The following BRAF variants were observed in gnomAD, a reference collection of about 807,000 sequenced individuals.
BRAF encodes serine/threonine-protein kinase B-raf.
A neutral mutation model predicts 104.6 loss-of-function variants in BRAF; 16 were observed. That is an observed-to-expected ratio of 0.15 (90% CI 0.10 to 0.23). The LOEUF (loss-of-function observed/expected upper bound fraction) is 0.23, where lower values mean the gene tolerates loss of function less well. Among genes scored for constraint, BRAF ranks in the 10% least tolerant of loss-of-function variants. The pLI, the probability that BRAF is intolerant of heterozygous loss-of-function variation, is 1.00. For synonymous variants in BRAF, 310 were observed against 341.6 expected (o/e 0.91, Z 1.02); for missense variants, 541 against 937.3 (o/e 0.58, Z 5.52).
At chr7:140,891,919 C>T (rs917229544) in intron 1 of BRAF, among the ~76,000 whole-genome samples, 11 of 152,182 alleles carry the variant, frequency 7.2e-5, no homozygotes, top group African/African-American at 2.7e-4. Context: ...ATACTACACA[C>T]AAGCAATGTT....
intron 7 of BRAF, among the ~76,000 whole-genome samples, chr7:140,796,348 T>TA (rs35137743): frequency 0.094 from 11,907 of 127,058 alleles, 1,586 homozygotes; most frequent in African/African-American, 0.3. Flanking sequence ...GACTCCATCT[T>TA]AAAAAAAAAA....
At position 140,854,883 on chromosome 7, in the gene BRAF, T is replaced by C. The variant is rs551720541; in HGVS notation, c.139-4671A>G. ...TCACTGGAACCCAGGAGGCGGAGGT[T>C]GCAGTGAGCCGAGACTGCGCCACTG... On this transcript the variant is annotated intron_variant, in intron 1 of 19. Coordinates refer to ENST00000644969, the MANE Select transcript of BRAF (RefSeq NM_001374258.1). 2.6e-5 allele frequency among the ~76,000 whole-genome samples: 4 copies of C among 152,168 alleles called. No individual in the cohort carries two copies. The South Asian group carries it at 8.3e-4, about 32-fold the overall frequency.
At chr7:140,745,641 T>C (rs1797289268) in intron 17 of BRAF, among the ~76,000 whole-genome samples, 1 of 152,130 alleles carries the variant, frequency 6.6e-6, no homozygotes, top group African/African-American at 2.4e-5. Context: ...TCCATGGTAT[T>C]ACTGGAGCTC....
intron 12 of BRAF, among the ~76,000 whole-genome samples, chr7:140,778,635 C>T (rs942037876): frequency 6.6e-5 from 10 of 151,330 alleles, no homozygotes; most frequent in Admixed American, 5.9e-4. Flanking sequence ...CAGCATGGCA[C>T]ATGTATATAT....
chr7:140,867,233 T>C (rs1180150566), intron 1 of BRAF, among the ~76,000 whole-genome samples: 1 of 152,136 alleles, frequency 6.6e-6, no homozygotes, highest in Non-Finnish European at 1.5e-5. Context: ...GACAGCTAAG[T>C]AAATGGTAGA....
chr7:140,808,066 A>T lies in BRAF; in HGVS notation c.609-4T>A, dbSNP rs1256055230. 6.3e-7 allele frequency: 1 copy of T among 1,597,604 alleles called. No homozygotes were observed. The highest frequency in any genetic ancestry group is 8.6e-7 in the Non-Finnish European group (1 of 1,165,290). The stretch of plus-strand genomic sequence containing the variant: ...CCAACCAATTGGTTTCTTCTCTCTG[A>T]AAAATGTAGACACAAGCCTTTCTTG... On this transcript the variant is annotated splice_polypyrimidine_tract_variant and splice_region_variant and intron_variant, in intron 4 of 19. Coordinates refer to ENST00000644969, the MANE Select transcript of BRAF (RefSeq NM_001374258.1).
intron 3 of BRAF, among the ~76,000 whole-genome samples, chr7:140,824,942 C>A (rs1805854806): frequency 6.6e-6 from 1 of 151,408 alleles, no homozygotes. Context: ...CTGTTCAAAT[C>A]CTTTGTCCGT....
In BRAF at chr7:140,828,874, A is replaced by G. The variant is rs542196720; in HGVS notation, c.504+5735T>C. Among the ~76,000 whole-genome samples the G allele has an allele frequency of 2.0e-5, 3 of 152,250 alleles. No individual in the cohort carries two copies. The South Asian group carries it at 6.2e-4, about 32-fold the overall frequency. On this transcript the variant is annotated intron_variant, in intron 3 of 19. Coordinates refer to ENST00000644969, the MANE Select transcript of BRAF (RefSeq NM_001374258.1). The stretch of plus-strand genomic sequence containing the variant: ...TCACATTTCTATCCTTAACTAAGGG[A>G]GCAGTTTTCTCACTACACCCCTGCC...
intron 14 of BRAF, among the ~76,000 whole-genome samples, chr7:140,769,567 C>T (rs944511579): frequency 2.0e-5 from 3 of 152,198 alleles, no homozygotes; most frequent in Non-Finnish European, 4.4e-5. Flanking sequence ...TTGCTTTTCT[C>T]ACTTAACATT....
chr7:140,751,780 C>A (rs1384511432), intron 16 of BRAF, among the ~76,000 whole-genome samples: 1 of 152,114 alleles, frequency 6.6e-6, no homozygotes, highest in Non-Finnish European at 1.5e-5. Context: ...ACTTGGGAGT[C>A]CTATCTTGGA....
chr7:140,805,565 T>A (rs1803577289), intron 5 of BRAF, among the ~76,000 whole-genome samples: 2 of 152,068 alleles, frequency 1.3e-5, no homozygotes, highest in African/African-American at 4.8e-5. Flanking sequence ...TAATCTAGTA[T>A]CTGAGTATAC....
intron 3 of BRAF, among the ~76,000 whole-genome samples, chr7:140,817,310 T>C (rs1284585658): frequency 6.6e-6 from 1 of 151,940 alleles, no homozygotes; most frequent in East Asian, 1.9e-4. Flanking sequence ...AGAGAACACA[T>C]GAAAAAATGG....
At position 140,749,273 on chromosome 7, in the gene BRAF, T is replaced by C; in HGVS notation, c.2112+14A>G. ...AGACGGTAAAATAAACACCAAGACG[T>C]GGTAAATATTTACCTGGTCCCTGTT... On this transcript the variant is annotated intron_variant, in intron 17 of 19. Transcript: ENST00000644969. 6 of 1,610,686 alleles carry C rather than the reference T, an allele frequency of 3.7e-6. No homozygotes were observed. The highest frequency in any genetic ancestry group is 5.1e-6 in the Non-Finnish European group (6 of 1,179,018).
rs549161557 is a variant in BRAF, at chr7:140,871,167, G to A, written c.139-20955C>T. Among the ~76,000 whole-genome samples the A allele has an allele frequency of 7.6e-5, 11 of 145,536 alleles. No homozygotes were observed. In the South Asian group the frequency reaches 8.7e-4, roughly 11 times the overall value. On this transcript the variant is annotated intron_variant, in intron 1 of 19. Coordinates refer to ENST00000644969, the MANE Select transcript of BRAF (RefSeq NM_001374258.1). ...TGACGCGGGAGAATGGCGTGAATCC[G>A]GGAGGCGGAGCTTGCAGTGAGCCGA...
intron 1 of BRAF, among the ~76,000 whole-genome samples, chr7:140,862,344 A>G (rs370935357): frequency 6.6e-6 from 1 of 152,202 alleles, no homozygotes; most frequent in African/African-American, 2.4e-5. Flanking sequence ...AGAGAGCAAG[A>G]AAGAAAGAAA....
At chr7:140,861,712 T>C (rs932910277) in intron 1 of BRAF, among the ~76,000 whole-genome samples, 2 of 152,214 alleles carry the variant, frequency 1.3e-5, no homozygotes, top group Non-Finnish European at 2.9e-5. Context: ...AAAGTAAGAC[T>C]GTAAGGTGCT....
chr7:140,765,451 G>A (rs1343114902), intron 14 of BRAF, among the ~76,000 whole-genome samples: 2 of 152,128 alleles, frequency 1.3e-5, no homozygotes, highest in African/African-American at 2.4e-5. Context: ...GGACAAATGG[G>A]ATCTAACTAA....
intron 2 of BRAF, among the ~76,000 whole-genome samples, chr7:140,848,613 GA>G: frequency 6.6e-6 from 1 of 152,314 alleles, no homozygotes; most frequent in South Asian, 2.1e-4. Flanking sequence ...CCAAGACATA[GA>G]AATGGTTGGA....
chr7:140,794,408 C>T lies in BRAF; in HGVS notation c.1040G>A (p.Arg347Gln), dbSNP rs397516884. Residue 347 changes from arginine (R) to glutamine (Q), a missense_variant, in exon 8 of 20, where the codon CGA becomes CAA. Physicochemically the swap from Arg to Gln is conservative, Grantham distance 43. Coordinates refer to ENST00000644969, the MANE Select transcript of BRAF (RefSeq NM_001374258.1). ...ATTTCGATGATCTTCATCTGCTGGT[C>T]GGAAGGGCTGTGGAATTGGAATGGA... ...SKSIPIPQPF[R>Q]PADEDHRNQF... is the part of the protein sequence containing the mutation. The T allele has an allele frequency of 5.6e-6, 9 of 1,613,248 alleles. No individual in the cohort carries two copies. The highest frequency in any genetic ancestry group is 5.9e-6 in the Non-Finnish European group (7 of 1,179,966).
Sources: allele counts gnomAD v4.1 joint callset (sites outside exome capture counted in the v4.1 genomes callset), GRCh38; gene constraint gnomAD v4.1.1; transcripts MANE v1.5; gene names NCBI Gene and HGNC (gene_info 2026-07-23, HGNC 2026-07-21).